Variants in ENTREP2 observed in about 807,000 individuals in gnomAD.
ENTREP2 encodes endosomal transmembrane epsin interactor 2.
chr15:29,591,706 T>A, the ENTREP2 span, among the ~76,000 whole-genome samples: 2 of 151,834 alleles, frequency 1.3e-5, no homozygotes, highest in Non-Finnish European at 2.9e-5. Flanking sequence ...GGCATGGTGG[T>A]GCACACCTGT....
At chr15:29,532,202 A>G in the ENTREP2 span, among the ~76,000 whole-genome samples, 1 of 152,330 alleles carries the variant, frequency 6.6e-6, no homozygotes, top group African/African-American at 2.4e-5. Context: ...TATTTCGCTA[A>G]ACTGTGACCT....
At chr15:29,132,620 G>A in the ENTREP2 span, among the ~76,000 whole-genome samples, 4 of 152,226 alleles carry the variant, frequency 2.6e-5, no homozygotes, top group Non-Finnish European at 4.4e-5. Context: ...CAGAGTTCTG[G>A]AGAAGGGTGT....
At chr15:29,298,467 G>T in the ENTREP2 span, among the ~76,000 whole-genome samples, 600 of 152,210 alleles carry the variant, frequency 3.9e-3, 2 homozygotes, top group Non-Finnish European at 5.9e-3. Context: ...GCAAATCTGA[G>T]GTAAGATTGA....
chr15:29,566,253 G>A, the ENTREP2 span, among the ~76,000 whole-genome samples: 1 of 151,674 alleles, frequency 6.6e-6, no homozygotes, highest in African/African-American at 2.4e-5. Flanking sequence ...CCGCCTCCTG[G>A]GTTCACGCCA....
At chr15:29,243,444 A>T in the ENTREP2 span, among the ~76,000 whole-genome samples, 1 of 152,234 alleles carries the variant, frequency 6.6e-6, no homozygotes, top group Admixed American at 6.5e-5. Flanking sequence ...ATTACAAACC[A>T]AGTGGAACTA....
At chr15:29,331,885 C>T in the ENTREP2 span, among the ~76,000 whole-genome samples, 1 of 152,212 alleles carries the variant, frequency 6.6e-6, no homozygotes, top group Non-Finnish European at 1.5e-5. Context: ...CACTGATTCA[C>T]CAGTGCAGCT....
the ENTREP2 span, among the ~76,000 whole-genome samples, chr15:29,192,775 G>C: frequency 6.6e-6 from 1 of 152,216 alleles, no homozygotes; most frequent in African/African-American, 2.4e-5. Flanking sequence ...AAATGACCAA[G>C]TGGGGTTTAT....
At chr15:29,393,594 T>C in the ENTREP2 span, among the ~76,000 whole-genome samples, 9 of 152,182 alleles carry the variant, frequency 5.9e-5, no homozygotes. Context: ...GCATGTCTTT[T>C]GCAGTGTATA....
At chr15:29,195,847 T>G in the ENTREP2 span, among the ~76,000 whole-genome samples, 1 of 152,314 alleles carries the variant, frequency 6.6e-6, no homozygotes, top group South Asian at 2.1e-4. Flanking sequence ...TTTTAAAAAG[T>G]TTTGGCACAG....
the ENTREP2 span, among the ~76,000 whole-genome samples, chr15:29,632,012 C>G: frequency 1.3e-5 from 2 of 152,208 alleles, no homozygotes; most frequent in African/African-American, 2.4e-5. Flanking sequence ...TGGATATTAT[C>G]AAAAAGGACT....
chr15:29,439,284 TACACACACACAC>T, the ENTREP2 span, among the ~76,000 whole-genome samples: 43 of 97,134 alleles, frequency 4.4e-4, no homozygotes, highest in South Asian at 1.3e-3. Flanking sequence ...AAATTGGAAT[TACACACACACAC>T]ACACACACAC....
At chr15:29,246,392 C>CAAAAAAAAAA in the ENTREP2 span, among the ~76,000 whole-genome samples, 1 of 90,702 alleles carries the variant, frequency 1.1e-5, no homozygotes. Flanking sequence ...ACCCTGTTTC[C>CAAAAAAAAAA]AAAAAAAAAA....
chr15:29,152,257 T>A, the ENTREP2 span, among the ~76,000 whole-genome samples: 2 of 152,202 alleles, frequency 1.3e-5, no homozygotes, highest in Non-Finnish European at 2.9e-5. Flanking sequence ...AGATCTTGGG[T>A]ACCCTTTACT....
the ENTREP2 span, among the ~76,000 whole-genome samples, chr15:29,511,345 T>TC: frequency 7.0e-6 from 1 of 142,256 alleles, no homozygotes; most frequent in Admixed American, 6.9e-5. Flanking sequence ...TTTTCTTTTC[T>TC]TTTTTTTTTT....
the ENTREP2 span, among the ~76,000 whole-genome samples, chr15:29,130,974 C>T: frequency 5.9e-5 from 9 of 152,146 alleles, no homozygotes; most frequent in Admixed American, 1.3e-4. Context: ...TGACAGGAGA[C>T]GCTGTGGGAA....
chr15:29,349,309 A>G, the ENTREP2 span, among the ~76,000 whole-genome samples: 194 of 152,360 alleles, frequency 1.3e-3, 1 homozygote, highest in African/African-American at 4.6e-3. Context: ...CAAAAGTCAG[A>G]GATGTGAACT....
the ENTREP2 span, among the ~76,000 whole-genome samples, chr15:29,603,207 G>A: frequency 6.6e-6 from 1 of 152,162 alleles, no homozygotes; most frequent in African/African-American, 2.4e-5. Flanking sequence ...TGGAAGCAAG[G>A]GAGATGGGAA....
At chr15:29,661,522 A>G in the ENTREP2 span, among the ~76,000 whole-genome samples, 1 of 152,312 alleles carries the variant, frequency 6.6e-6, no homozygotes, top group Admixed American at 6.5e-5. Flanking sequence ...TTTATCACAT[A>G]AAATTCAGAT....
At chr15:29,342,443 G>C in the ENTREP2 span, among the ~76,000 whole-genome samples, 2 of 152,206 alleles carry the variant, frequency 1.3e-5, no homozygotes, top group African/African-American at 4.8e-5. Context: ...ACATGCCATA[G>C]TGCGACGAAG....
Sources: gnomAD v4.1 joint callset for allele counts (sites outside exome capture counted in the v4.1 genomes callset) on GRCh38, gnomAD v4.1.1 for gene constraint, MANE v1.5 for transcripts, NCBI Gene and HGNC (gene_info 2026-07-23, HGNC 2026-07-21) for gene names.